Variants in SETBP1 observed in about 807,000 individuals in gnomAD.
SETBP1 encodes SET-binding protein.
In SETBP1, 9 loss-of-function variants were observed where a neutral mutation model predicts 101.0. The ratio of observed to expected loss-of-function variants is 0.09; its 90% CI spans 0.05 to 0.16. SETBP1 has a LOEUF of 0.16. Ranked by LOEUF, SETBP1 falls within the 10% of genes least tolerant of loss-of-function variation. SETBP1 has a pLI of 1.00. For synonymous variants in SETBP1, 818 were observed against 788.5 expected, an observed-to-expected ratio of 1.04 and a Z score of -0.63; for missense variants, 1,858 against 2,033.8, an observed-to-expected ratio of 0.91 and a Z score of 1.66.
intron 4 of SETBP1, among the ~76,000 whole-genome samples, chr18:45,022,461 A>G (rs952909816): frequency 5.3e-5 from 8 of 152,110 alleles, no homozygotes; most frequent in African/African-American, 1.9e-4. Context: ...CCTCCCCAAC[A>G]GTGAAGTCAC....
At chr18:44,863,153 G>C (rs1194319158) in intron 2 of SETBP1, among the ~76,000 whole-genome samples, 1 of 152,118 alleles carries the variant, frequency 6.6e-6, no homozygotes, top group Non-Finnish European at 1.5e-5. Context: ...TCTCCTTCAT[G>C]GTTGGTCATT....
chr18:45,060,140 T>A (rs2073869332), intron 5 of SETBP1, among the ~76,000 whole-genome samples: 1 of 152,246 alleles, frequency 6.6e-6, no homozygotes. Flanking sequence ...CATTATTTTA[T>A]GTAACACAGT....
At chr18:44,928,967 G>T (rs2070764283) in intron 3 of SETBP1, among the ~76,000 whole-genome samples, 1 of 152,122 alleles carries the variant, frequency 6.6e-6, no homozygotes, top group Non-Finnish European at 1.5e-5. Flanking sequence ...GGCTTTTGTT[G>T]TTATTGCTCT....
intron 2 of SETBP1, among the ~76,000 whole-genome samples, chr18:44,834,745 G>T (rs1412292545): frequency 1.3e-5 from 2 of 152,226 alleles, no homozygotes; most frequent in Admixed American, 1.3e-4. Flanking sequence ...TCAAGGAGTT[G>T]TGTAGAAAGT....
chr18:44,933,657 C>A (rs2095263422), intron 3 of SETBP1, among the ~76,000 whole-genome samples: 1 of 152,166 alleles, frequency 6.6e-6, no homozygotes, highest in Non-Finnish European at 1.5e-5. Flanking sequence ...ATGGCAGACG[C>A]CCCTCCCCAG....
At chr18:44,860,186 C>A (rs1025803344) in intron 2 of SETBP1, among the ~76,000 whole-genome samples, 3 of 152,128 alleles carry the variant, frequency 2.0e-5, no homozygotes, top group African/African-American at 7.2e-5. Context: ...AAGAGGAAAG[C>A]GAGGGTGGAT....
intron 3 of SETBP1, among the ~76,000 whole-genome samples, chr18:44,898,798 A>G (rs895727081): frequency 3.3e-5 from 5 of 152,222 alleles, no homozygotes; most frequent in Non-Finnish European, 7.3e-5. Flanking sequence ...CATCACTCCA[A>G]TGTGTTTTCT....
chr18:45,033,586 C>G (rs2073340435), intron 4 of SETBP1, among the ~76,000 whole-genome samples: 1 of 152,208 alleles, frequency 6.6e-6, no homozygotes, highest in Non-Finnish European at 1.5e-5. Context: ...TGGTGTCAGC[C>G]TCTTCCACCA....
chr18:45,038,363 G>A (rs1170051443), intron 4 of SETBP1, 122 bp from the exon 5 acceptor site: 6 of 923,466 alleles, frequency 6.5e-6, no homozygotes, highest in East Asian at 5.0e-5. Context: ...TTTCATTCTT[G>A]TTGTACCAGA....
At chr18:44,689,081 T>C (rs1179199490) in intron 1 of SETBP1, among the ~76,000 whole-genome samples, 1 of 152,154 alleles carries the variant, frequency 6.6e-6, no homozygotes. Context: ...ATTTTGCTAT[T>C]TGTGTGATCA....
chr18:45,037,758 G>A (rs914216455), intron 4 of SETBP1, among the ~76,000 whole-genome samples: 2 of 152,010 alleles, frequency 1.3e-5, no homozygotes, highest in African/African-American at 4.8e-5. Context: ...CATATGATGC[G>A]TGTTATGACC....
At chr18:44,896,680 G>C (rs1485949622) in intron 3 of SETBP1, among the ~76,000 whole-genome samples, 1 of 152,010 alleles carries the variant, frequency 6.6e-6, no homozygotes, top group African/African-American at 2.4e-5. Flanking sequence ...AGTAGAGATG[G>C]GGTTTCACCA....
At chr18:44,859,088 G>A (rs1408833025) in intron 2 of SETBP1, among the ~76,000 whole-genome samples, 1 of 151,234 alleles carries the variant, frequency 6.6e-6, no homozygotes, top group Admixed American at 6.6e-5. Flanking sequence ...GGAAGGAGGG[G>A]GAAGGGACAG....
In SETBP1 at chr18:44,795,874, G is replaced by T. The variant is rs975092017; in HGVS notation, c.487-73356G>T. Among the ~76,000 whole-genome samples, 6 of 152,066 alleles carry T rather than the reference G, an allele frequency of 3.9e-5. No homozygotes were observed. In the East Asian group the frequency reaches 1.2e-3, roughly 29 times the overall value. ...CTTTAAAAATGGGTAGAGCAGTTTG[G>T]CCCTACACTAAACATCCCTAGACTA... On this transcript the variant is annotated intron_variant, in intron 2 of 5. Transcript: ENST00000649279.
intron 2 of SETBP1, among the ~76,000 whole-genome samples, chr18:44,842,446 C>T (rs1176985020): frequency 6.6e-6 from 1 of 152,228 alleles, no homozygotes; most frequent in African/African-American, 2.4e-5. Context: ...CTTCACTCTT[C>T]CCAGCCCTGC....
At position 44,836,081 on chromosome 18, in the gene SETBP1, A is replaced by C. The variant is rs138945388; in HGVS notation, c.487-33149A>C. 3.9e-3 allele frequency among the ~76,000 whole-genome samples: 594 copies of C among 151,600 alleles called. 4 individuals carry two copies. Among genetic ancestry groups the C allele is most frequent in the Non-Finnish European group, 6.6e-3 (451 of 67,928 alleles). ...TGGAACGATACTTTGAACTTTTCAG[A>C]GTGCATTCAGAAACATCATTTCCTT... On this transcript the variant is annotated intron_variant, in intron 2 of 5. Coordinates refer to ENST00000649279, the MANE Select transcript of SETBP1 (RefSeq NM_015559.3).
At chr18:44,717,971 G>A (rs1317419755) in intron 2 of SETBP1, among the ~76,000 whole-genome samples, 2 of 152,208 alleles carry the variant, frequency 1.3e-5, no homozygotes, top group African/African-American at 2.4e-5. Context: ...TATGTCATAG[G>A]TTCATAATAG....
At chr18:44,807,701 C>T (rs1355638622) in intron 2 of SETBP1, among the ~76,000 whole-genome samples, 1 of 152,166 alleles carries the variant, frequency 6.6e-6, no homozygotes, top group African/African-American at 2.4e-5. Flanking sequence ...ATCTTCATTT[C>T]TAGAAAGATT....
chr18:44,746,799 A>G (rs1006942421), intron 2 of SETBP1, among the ~76,000 whole-genome samples: 11 of 152,232 alleles, frequency 7.2e-5, no homozygotes, highest in Non-Finnish European at 1.3e-4. Context: ...GTCTGTGCCA[A>G]CATGGAGTCT....
Sources: gnomAD v4.1 joint callset for allele counts (sites outside exome capture counted in the v4.1 genomes callset) on GRCh38, gnomAD v4.1.1 for gene constraint, MANE v1.5 for transcripts, NCBI Gene and HGNC (gene_info 2026-07-23, HGNC 2026-07-21) for gene names.